KIAA1958: variants seen among roughly 807,000 people sequenced by gnomAD.
The protein encoded by KIAA1958 is KIAA1958.
In KIAA1958, 14 loss-of-function variants were observed where a neutral mutation model predicts 47.2. The ratio of observed to expected loss-of-function variants is 0.30; its 90% CI spans 0.20 to 0.46. KIAA1958 has a LOEUF of 0.46. KIAA1958 is among the 20% of genes least tolerant of loss of function. KIAA1958 has a pLI of 1.00. For synonymous variants in KIAA1958, 354 were observed against 353.3 expected, an observed-to-expected ratio of 1.00 and a Z score of -0.02; for missense variants, 803 against 909.2, an observed-to-expected ratio of 0.88 and a Z score of 1.50.
At chr9:112,520,836 A>G (rs1834526463) in intron 1 of KIAA1958, among the ~76,000 whole-genome samples, 1 of 152,218 alleles carries the variant, frequency 6.6e-6, no homozygotes, top group African/African-American at 2.4e-5. Flanking sequence ...TCAAGACAGC[A>G]TATGTTGGTC....
At chr9:112,517,181 T>C (rs1834452922) in intron 1 of KIAA1958, among the ~76,000 whole-genome samples, 2 of 16,202 alleles carry the variant, frequency 1.2e-4, no homozygotes, top group Non-Finnish European at 2.5e-4. Flanking sequence ...CATATATTAA[T>C]TTAACAGAAT....
intron 3 of KIAA1958, among the ~76,000 whole-genome samples, chr9:112,647,289 TTGA>T (rs1293451906): frequency 6.6e-6 from 1 of 152,056 alleles, no homozygotes; most frequent in African/African-American, 2.4e-5. Flanking sequence ...TGATGAATCC[TTGA>T]TGAAAAAGAG....
At chr9:112,517,509 G>A (rs573628026) in intron 1 of KIAA1958, among the ~76,000 whole-genome samples, 2 of 152,262 alleles carry the variant, frequency 1.3e-5, no homozygotes, top group East Asian at 1.9e-4. Context: ...AAACGTTGGA[G>A]AAAATCTTTG....
intron 2 of KIAA1958, among the ~76,000 whole-genome samples, chr9:112,596,037 C>T (rs866043592): frequency 1.3e-4 from 20 of 152,044 alleles, no homozygotes; most frequent in Middle Eastern, 3.4e-3. Flanking sequence ...CGCCTTCCTC[C>T]GCCTCCCAAA....
Position 112,526,257 on chromosome 9 carries a change from ATT to A in KIAA1958, c.-25+39149_-25+39150del, listed in dbSNP as rs11326472. ...TAACAGAATACCTTGAAACTGGGTA[ATT>A]TTTTTTTTTCTTGAGACAGATTCTT... On this transcript the variant is annotated intron_variant, in intron 1 of 3. Coordinates refer to ENST00000337530, the MANE Select transcript of KIAA1958 (RefSeq NM_133465.4). 7.3e-5 allele frequency among the ~76,000 whole-genome samples: 11 copies of A among 150,544 alleles called. No individual in the cohort carries two copies. The South Asian group carries it at 2.3e-3, about 32-fold the overall frequency.
At chr9:112,534,840 G>C (rs150094619) in intron 1 of KIAA1958, among the ~76,000 whole-genome samples, 2 of 152,086 alleles carry the variant, frequency 1.3e-5, no homozygotes, top group African/African-American at 4.8e-5. Context: ...CACTGTGCCC[G>C]GCCAATCTTT....
intron 2 of KIAA1958, among the ~76,000 whole-genome samples, chr9:112,581,593 A>T (rs1211899901): frequency 6.6e-6 from 1 of 152,142 alleles, no homozygotes; most frequent in Non-Finnish European, 1.5e-5. Context: ...ATTAATAGGA[A>T]AGTCTAGAGC....
chr9:112,496,876 C>G (rs1428997759), intron 1 of KIAA1958, among the ~76,000 whole-genome samples: 1 of 152,170 alleles, frequency 6.6e-6, no homozygotes, highest in African/African-American at 2.4e-5. Flanking sequence ...TTTCTCCCTT[C>G]ATCTGACCAG....
intron 1 of KIAA1958, among the ~76,000 whole-genome samples, chr9:112,489,007 G>T (rs1833917185): frequency 6.6e-6 from 1 of 152,160 alleles, no homozygotes; most frequent in African/African-American, 2.4e-5. Context: ...TTTCTGCTTT[G>T]ACTTCCAGTC....
At chr9:112,540,163 A>G (rs2132822000) in intron 1 of KIAA1958, among the ~76,000 whole-genome samples, 1 of 152,340 alleles carries the variant, frequency 6.6e-6, no homozygotes, top group South Asian at 2.1e-4. Context: ...ATAAATATGG[A>G]AGGATATATG....
chr9:112,533,108 T>G (rs1349158296), intron 1 of KIAA1958, among the ~76,000 whole-genome samples: 1 of 152,176 alleles, frequency 6.6e-6, no homozygotes, highest in African/African-American at 2.4e-5. Context: ...TGTGTGTATC[T>G]ATGTATAATC....
intron 2 of KIAA1958, among the ~76,000 whole-genome samples, chr9:112,635,694 A>G (rs535302452): frequency 6.6e-6 from 1 of 152,098 alleles, no homozygotes; most frequent in Non-Finnish European, 1.5e-5. Flanking sequence ...GTATCTTTTT[A>G]CTGTCTTTTT....
intron 2 of KIAA1958, among the ~76,000 whole-genome samples, chr9:112,643,850 A>G (rs1409970290): frequency 6.6e-6 from 1 of 152,060 alleles, no homozygotes; most frequent in East Asian, 1.9e-4. Context: ...TGGATTTCGA[A>G]TTGAAAAAAA....
intron 1 of KIAA1958, among the ~76,000 whole-genome samples, chr9:112,546,622 C>T (rs1030610485): frequency 4.6e-5 from 7 of 152,022 alleles, no homozygotes; most frequent in Admixed American, 2.0e-4. Flanking sequence ...ATGTGGCCTC[C>T]CAAACTGAAC....
At position 112,660,162 on chromosome 9, in the gene KIAA1958, G is replaced by A. The variant is rs1234667093; in HGVS notation, c.*93G>A. ...CTCCTTGGAGGCAGGGGCTGACCAGGTGTGACCTCCCGGTCTGGCGGCTCT... is the reference window on the plus strand; with the variant it reads ...CTCCTTGGAGGCAGGGGCTGACCAGATGTGACCTCCCGGTCTGGCGGCTCT... On this transcript the variant is annotated 3_prime_UTR_variant, in exon 4 of 4. Transcript: ENST00000337530. The A allele has an allele frequency of 9.0e-7, 1 of 1,110,484 alleles. No homozygotes were observed. The allele number at this position is 1,110,484 out of a possible 1,614,324, so 68.8% of individuals were successfully genotyped here. A position where few individuals can be genotyped will look rare whatever the true frequency, so the allele number is the denominator to read the frequency against.
chr9:112,657,926 G>A (rs1036402052), intron 3 of KIAA1958, among the ~76,000 whole-genome samples: 4 of 150,684 alleles, frequency 2.7e-5, no homozygotes, highest in South Asian at 2.1e-4. Flanking sequence ...GCGCAATCTC[G>A]GCTCACTGTG....
At chr9:112,613,106 GGTT>G (rs1316807109) in intron 2 of KIAA1958, among the ~76,000 whole-genome samples, 1 of 152,122 alleles carries the variant, frequency 6.6e-6, no homozygotes, top group Non-Finnish European at 1.5e-5. Context: ...TGGTAACATT[GGTT>G]GTTGTGAAGA....
intron 1 of KIAA1958, among the ~76,000 whole-genome samples, chr9:112,503,484 C>CA (rs922352470): frequency 1.7e-3 from 253 of 151,648 alleles, no homozygotes; most frequent in African/African-American, 5.8e-3. Flanking sequence ...TCCTTCTCTA[C>CA]AAAAAATAAA....
chr9:112,658,860 A>C (rs923318048), intron 3 of KIAA1958, among the ~76,000 whole-genome samples: 4 of 151,764 alleles, frequency 2.6e-5, no homozygotes, highest in Non-Finnish European at 4.4e-5. Flanking sequence ...CTCTACAAAA[A>C]ATACAAAAAA....
Sources: allele counts gnomAD v4.1 joint callset (sites outside exome capture counted in the v4.1 genomes callset), GRCh38; gene constraint gnomAD v4.1.1; transcripts MANE v1.5; gene names NCBI Gene and HGNC (gene_info 2026-07-23, HGNC 2026-07-21).